Variants in EFCAB11 observed in about 807,000 individuals in gnomAD.
The protein encoded by EFCAB11 is EF-hand calcium-binding domain-containing protein 11.
Under a neutral mutation model 23.0 loss-of-function variants are expected in EFCAB11, and 14 were observed. The observed-to-expected ratio is 0.61, with a 90% CI of 0.40 to 0.95. The LOEUF (loss-of-function observed/expected upper bound fraction) is 0.95, where lower values mean the gene tolerates loss of function less well. EFCAB11 is among the 40% of genes least tolerant of loss of function. The pLI is 0.00. For missense variants in EFCAB11, 198 were observed against 195.8 expected (o/e 1.01, Z -0.07); for synonymous variants, 65 against 66.6 (o/e 0.98, Z 0.11).
chr14:89,875,627 A>G (rs1235689825), intron 5 of EFCAB11, among the ~76,000 whole-genome samples: 2 of 152,218 alleles, frequency 1.3e-5, no homozygotes, highest in African/African-American at 4.8e-5. Flanking sequence ...AGAAAGTTAT[A>G]CAAAAAAGGA....
chr14:89,848,865 T>C (rs1887511161), intron 5 of EFCAB11: 2 of 152,202 alleles, frequency 1.3e-5, no homozygotes, highest in Admixed American at 1.3e-4. Flanking sequence ...AGGTGGGGGT[T>C]GCTATGAGTC....
At chr14:89,843,138 T>C (rs1188856973) in intron 5 of EFCAB11, among the ~76,000 whole-genome samples, 2 of 152,172 alleles carry the variant, frequency 1.3e-5, no homozygotes, top group Non-Finnish European at 2.9e-5. Flanking sequence ...ATATTCTCTA[T>C]GTACCAGAAC....
chr14:89,892,954 T>C (rs1257478256), intron 5 of EFCAB11, among the ~76,000 whole-genome samples: 1 of 152,094 alleles, frequency 6.6e-6, no homozygotes, highest in African/African-American at 2.4e-5. Flanking sequence ...GATGTGCAAC[T>C]TCCTGTCCTT....
chr14:89,812,180 A>G (rs1886170898), intron 5 of EFCAB11, among the ~76,000 whole-genome samples: 1 of 152,218 alleles, frequency 6.6e-6, no homozygotes. Flanking sequence ...GATCTAAACT[A>G]AAGGGGGAAA....
chr14:89,922,960 G>A (rs912978627), intron 5 of EFCAB11, among the ~76,000 whole-genome samples: 4 of 152,186 alleles, frequency 2.6e-5, no homozygotes, highest in East Asian at 3.9e-4. Flanking sequence ...AATCGAATTT[G>A]TATCCGGATG....
At chr14:89,810,209 T>C (rs1886105511) in intron 5 of EFCAB11, among the ~76,000 whole-genome samples, 1 of 152,148 alleles carries the variant, frequency 6.6e-6, no homozygotes, top group Non-Finnish European at 1.5e-5. Flanking sequence ...AAGTATCGGC[T>C]GAACATACGA....
intron 5 of EFCAB11, among the ~76,000 whole-genome samples, chr14:89,858,162 TC>T (rs1227851291): frequency 6.6e-6 from 1 of 152,172 alleles, no homozygotes; most frequent in Non-Finnish European, 1.5e-5. Flanking sequence ...CTCTCCTGGC[TC>T]TCTTGCCATG....
chr14:89,903,473 A>G (rs1419912130), intron 5 of EFCAB11, among the ~76,000 whole-genome samples: 1 of 152,166 alleles, frequency 6.6e-6, no homozygotes, highest in Non-Finnish European at 1.5e-5. Context: ...TGTTACTGGG[A>G]TACAGCTTTA....
At chr14:89,856,761 G>GCC (rs1319535930) in intron 5 of EFCAB11, among the ~76,000 whole-genome samples, 1 of 152,018 alleles carries the variant, frequency 6.6e-6, no homozygotes, top group Non-Finnish European at 1.5e-5. Flanking sequence ...TAGGACCTTT[G>GCC]CCCATTTTTA....
chr14:89,878,569 T>C (rs1385910320), intron 5 of EFCAB11, among the ~76,000 whole-genome samples: 1 of 152,194 alleles, frequency 6.6e-6, no homozygotes, highest in Non-Finnish European at 1.5e-5. Flanking sequence ...TATCATACTG[T>C]ATTAAAATAT....
At chr14:89,937,977 CA>C (rs1260144410) in intron 3 of EFCAB11, 2 of 151,916 alleles carry the variant, frequency 1.3e-5, no homozygotes, top group African/African-American at 4.8e-5. Flanking sequence ...TCTTTCACCA[CA>C]GGGGAAGATA....
At chr14:89,797,674 G>A (rs1171480357) in intron 5 of EFCAB11, among the ~76,000 whole-genome samples, 2 of 152,180 alleles carry the variant, frequency 1.3e-5, no homozygotes, top group Non-Finnish European at 2.9e-5. Flanking sequence ...GCTCACACCT[G>A]TAATCCCAGC....
chr14:89,912,197 T>C (rs149306283), intron 5 of EFCAB11, among the ~76,000 whole-genome samples: 59 of 152,212 alleles, frequency 3.9e-4, no homozygotes, highest in African/African-American at 1.3e-3. Context: ...AATGGTTTCA[T>C]TGAAAAAAGA....
chr14:89,874,752 C>T (rs893710309), intron 5 of EFCAB11, among the ~76,000 whole-genome samples: 6 of 152,210 alleles, frequency 3.9e-5, no homozygotes, highest in South Asian at 4.1e-4. Context: ...ATTAGCCGGG[C>T]GCCGTGGCAG....
rs1885576151 is a variant in EFCAB11, at chr14:89,796,397, C to T, written c.*846G>A. ...TCATGGCTCACTGAAGCTTCAAACC[C>T]CTGGGCTCAAATGATCCTTCCACCT... On this transcript the variant is annotated 3_prime_UTR_variant, in exon 6 of 6. Coordinates refer to ENST00000316738, the MANE Select transcript of EFCAB11 (RefSeq NM_145231.4). 1 of 152,212 alleles carries T rather than the reference C, an allele frequency of 6.6e-6. No homozygotes were observed. Among genetic ancestry groups the T allele is most frequent in the African/African-American group, 2.4e-5 (1 of 41,428 alleles). 9.4% of individuals were successfully genotyped at this position (152,212 alleles called of 1,614,324 possible).
chr14:89,902,677 A>AAG (rs1426092842), intron 5 of EFCAB11, among the ~76,000 whole-genome samples: 1 of 152,226 alleles, frequency 6.6e-6, no homozygotes, highest in Non-Finnish European at 1.5e-5. Flanking sequence ...ATTAACACTT[A>AAG]AGATTAGATA....
intron 5 of EFCAB11, among the ~76,000 whole-genome samples, chr14:89,903,647 A>C (rs1299839497): frequency 1.3e-5 from 2 of 152,240 alleles, no homozygotes; most frequent in African/African-American, 2.4e-5. Flanking sequence ...ATCTGAGAAA[A>C]TATTAGCACT....
At chr14:89,954,534 G>C in intron 1 of EFCAB11, 52 bp downstream of exon 1, 8 of 1,603,862 alleles carry the variant, frequency 5.0e-6, no homozygotes, top group Non-Finnish European at 1.7e-6. Flanking sequence ...GAGGAAGCGA[G>C]AGGCCCAGGC....
chr14:89,892,423 C>A (rs1215405091), intron 5 of EFCAB11: 9 of 1,574,716 alleles, frequency 5.7e-6, no homozygotes, highest in Non-Finnish European at 7.7e-6. Context: ...GGAAGCAGCA[C>A]CCAGGCCCAT....
Sources: allele counts gnomAD v4.1 joint callset (sites outside exome capture counted in the v4.1 genomes callset), GRCh38; gene constraint gnomAD v4.1.1; transcripts MANE v1.5; gene names NCBI Gene and HGNC (gene_info 2026-07-23, HGNC 2026-07-21).